The following HTR2A variants were observed in gnomAD, a reference collection of about 807,000 sequenced individuals.
The protein encoded by HTR2A is 5-HT2 receptor.
A neutral mutation model predicts 31.0 loss-of-function variants in HTR2A; 14 were observed. The observed-to-expected ratio is 0.45, with a 90% CI of 0.30 to 0.71. The LOEUF is 0.71. HTR2A is among the 30% of genes least tolerant of loss of function. HTR2A has a pLI of 0.09. For missense variants in HTR2A, 442 were observed against 573.3 expected, an observed-to-expected ratio of 0.77 and a Z score of 2.34; for synonymous variants, 209 against 225.2, an observed-to-expected ratio of 0.93 and a Z score of 0.64.
rs903198579 is a variant in HTR2A at position 46,833,142 on chromosome 13, T to C, written c.*1695A>G. 1 of 152,186 alleles carries C rather than the reference T, an allele frequency of 6.6e-6. No individual in the cohort carries two copies. Among genetic ancestry groups the C allele is most frequent in the African/African-American group, 2.4e-5 (1 of 41,436 alleles). 9.4% of individuals were successfully genotyped at this position (152,186 alleles called of 1,614,324 possible). A position where few individuals can be genotyped will look rare whatever the true frequency, so the allele number is the denominator to read the frequency against. ...TGAGATTGAGGTGCGTATTTCTAAATTAATTGCAATGTTAAGCCTCAAGTG... is the reference window on the plus strand; with the variant it reads ...TGAGATTGAGGTGCGTATTTCTAAACTAATTGCAATGTTAAGCCTCAAGTG... On this transcript the variant is annotated 3_prime_UTR_variant, in exon 4 of 4. Transcript: ENST00000542664.
intron 3 of HTR2A, among the ~76,000 whole-genome samples, chr13:46,869,304 T>C (rs1593437632): frequency 6.6e-6 from 1 of 152,114 alleles, no homozygotes; most frequent in African/African-American, 2.4e-5. Flanking sequence ...AAAGAAGACA[T>C]TACAAATGAC....
rs750463163 is a variant in HTR2A at position 46,892,538 on chromosome 13, G to A, written c.465C>T (p.Asp155=). The A allele has an allele frequency of 5.0e-6, 8 of 1,614,102 alleles. No homozygotes were observed. The highest frequency in any genetic ancestry group is 2.7e-5 in the African/African-American group (2 of 74,934). ...TGATGGAGGCCGTGGAGAAGAGCAC[G>A]TCCAGGTAAATCCAGACTGCACAAA... The part of the protein sequence containing the change: ...SKLCAVWIYL[D]VLFSTASIMH... The change falls in exon 3 of 4, where the codon GAC becomes GAT. Residue 155 remains aspartate (D), a synonymous_variant. Coordinates refer to ENST00000542664, the MANE Select transcript of HTR2A (RefSeq NM_000621.5).
intron 3 of HTR2A, among the ~76,000 whole-genome samples, chr13:46,857,270 G>A (rs999151056): frequency 6.7e-6 from 1 of 148,968 alleles, no homozygotes; most frequent in African/African-American, 2.5e-5. Flanking sequence ...CTGCACTCCA[G>A]CCTGGTGACA....
At chr13:46,870,079 G>A (rs1305766954) in intron 3 of HTR2A, among the ~76,000 whole-genome samples, 1 of 152,078 alleles carries the variant, frequency 6.6e-6, no homozygotes, top group East Asian at 1.9e-4. Flanking sequence ...ACTGCATAAA[G>A]TACATGCCTT....
intron 3 of HTR2A, among the ~76,000 whole-genome samples, chr13:46,889,488 A>G (rs9534508): frequency 0.045 from 6,881 of 152,264 alleles, 192 homozygotes; most frequent in South Asian, 0.092. Flanking sequence ...AAACTTCTCT[A>G]TCATTTAATA....
intron 2 of HTR2A, among the ~76,000 whole-genome samples, chr13:46,894,007 T>C (rs1593447156): frequency 6.6e-6 from 1 of 152,222 alleles, no homozygotes. Context: ...CAGCGCCTTA[T>C]GGGGGAAGCC....
In HTR2A at chr13:46,835,017, G is replaced by C; in HGVS notation, c.1236C>G (p.Asn412Lys). 1 of 1,614,122 alleles carries C rather than the reference G, an allele frequency of 6.2e-7. No homozygotes were observed. The highest frequency in any genetic ancestry group is 8.5e-7 in the Non-Finnish European group (1 of 1,179,990). ...ACTTGTAGGCCAAAGCCGGTATTGT[G>C]TTCACTAAAATTAACTGCAATGGTT... ...NKKPLQLILVNTIPALAYKSS... is the reference protein window; with the variant it reads ...NKKPLQLILVKTIPALAYKSS... Residue 412 changes from asparagine (N) to lysine (K), a missense_variant, in exon 4 of 4, where the codon AAC becomes AAG. Coordinates refer to ENST00000542664, the MANE Select transcript of HTR2A (RefSeq NM_000621.5).
chr13:46,842,297 C>A (rs185187308), intron 3 of HTR2A, among the ~76,000 whole-genome samples: 1 of 152,066 alleles, frequency 6.6e-6, no homozygotes, highest in Non-Finnish European at 1.5e-5. Context: ...TCATCTCTGT[C>A]CTACATTATT....
chr13:46,862,391 C>T (rs1950786562), intron 3 of HTR2A, among the ~76,000 whole-genome samples: 5 of 152,160 alleles, frequency 3.3e-5, no homozygotes, highest in Admixed American at 3.3e-4. Flanking sequence ...AACTGTGTAA[C>T]ATATGGGCCT....
chr13:46,864,865 C>T (rs983901033), intron 3 of HTR2A, among the ~76,000 whole-genome samples: 1 of 152,026 alleles, frequency 6.6e-6, no homozygotes, highest in Non-Finnish European at 1.5e-5. Context: ...CAGTGGATTC[C>T]CTCTATGTGT....
intron 3 of HTR2A, among the ~76,000 whole-genome samples, chr13:46,845,643 CAAAAAAAA>C (rs11394720): frequency 1.9e-4 from 22 of 112,972 alleles, no homozygotes. Context: ...TTCATCACTC[CAAAAAAAA>C]AAAAAAAAAG....
intron 3 of HTR2A, among the ~76,000 whole-genome samples, chr13:46,850,857 A>AT (rs1268131788): frequency 6.6e-6 from 1 of 152,166 alleles, no homozygotes; most frequent in Non-Finnish European, 1.5e-5. Context: ...CAAGATCAAC[A>AT]TTTTTTGAAA....
rs1951107400 is a variant in HTR2A at position 46,896,666 on chromosome 13, G to C, written c.-329+8C>G. On this transcript the variant is annotated splice_region_variant and intron_variant, in intron 1 of 3. Transcript: ENST00000542664. ...ACAGCAATAAAATATAGCGGCATGA[G>C]AACTTACATTTGTCTTCAGGGTCCA... is the stretch of plus-strand genomic sequence containing the variant. 4 of 1,515,900 alleles carry C rather than the reference G, an allele frequency of 2.6e-6. No homozygotes were observed. Among genetic ancestry groups the C allele is most frequent in the Non-Finnish European group, 3.5e-6 (4 of 1,135,180 alleles). The allele number at this position is 1,515,900 out of a possible 1,614,324, so 93.9% of individuals were successfully genotyped here.
Position 46,835,035 on chromosome 13 carries a change from C to T in HTR2A, c.1218G>A (p.Leu406=). The change falls in exon 4 of 4, where the codon TTG becomes TTA. Residue 406 remains leucine, a synonymous_variant. Transcript: ENST00000542664. The part of the protein sequence containing the change: ...QCQYKENKKP[L]QLILVNTIPA... ...GTATTGTGTTCACTAAAATTAACTG[C>T]AATGGTTTTTTGTTTTCCTTGTACT... 6.2e-7 allele frequency: 1 copy of T among 1,614,108 alleles called. No homozygotes were observed. The highest frequency in any genetic ancestry group is 8.5e-7 in the Non-Finnish European group (1 of 1,179,984).
chr13:46,832,281 G>A lies in HTR2A; in HGVS notation c.*2556C>T, dbSNP rs371208348. 6.6e-6 allele frequency: 1 copy of A among 152,208 alleles called. No homozygotes were observed. The highest frequency in any genetic ancestry group is 1.9e-4 in the East Asian group (1 of 5,200). 9.4% of individuals were successfully genotyped at this position (152,208 alleles called of 1,614,324 possible). A position where few individuals can be genotyped will look rare whatever the true frequency, so the allele number is the denominator to read the frequency against. ...AAACATGATACAAACATGCACACAT[G>A]TGTATATACTGAGTGTTTTCATTGA... On this transcript the variant is annotated 3_prime_UTR_variant, in exon 4 of 4. Transcript: ENST00000542664.
In HTR2A at chr13:46,895,841, A is replaced by C; in HGVS notation, c.66T>G (p.Asn22Lys). 2 of 1,614,156 alleles carry C rather than the reference A, an allele frequency of 1.2e-6. No individual in the cohort carries two copies. The highest frequency in any genetic ancestry group is 1.7e-6 in the Non-Finnish European group (2 of 1,180,032). ...SSTTNSLMQL[N>K]DDTRLYSNDF... ...CATTACTGTAGAGCCTGGTGTCATC[A>C]TTTAATTGCATTAGGGAGTTCGTAG... The change falls in exon 2 of 4, where the codon AAT (asparagine) becomes AAG (lysine). Residue 22 changes from asparagine to lysine, a missense_variant. Asn to Lys is a moderately conservative substitution (Grantham distance 94). This residue lies in a region of HTR2A where 83 missense variants were observed against 84.8 expected (regional missense o/e 0.98). Transcript: ENST00000542664. The surrounding 1 kb of genome is among the most constrained non-coding windows in gnomAD (Gnocchi z 4.4).
Position 46,881,123 on chromosome 13 carries a change from C to T in HTR2A, c.613+11267G>A, listed in dbSNP as rs541982643. Among the ~76,000 whole-genome samples, 11 of 152,266 alleles carry T rather than the reference C, an allele frequency of 7.2e-5. No individual in the cohort carries two copies. The East Asian group carries it at 1.7e-3, about 24-fold the overall frequency. ...CATGTCTTTCAAGAGCAGAGGTTTT[C>T]GTGATATTTTACCGTATTGTGCTTC... On this transcript the variant is annotated intron_variant, in intron 3 of 3. Coordinates refer to ENST00000542664, the MANE Select transcript of HTR2A (RefSeq NM_000621.5).
rs1876310579 is a variant in HTR2A, at chr13:46,833,230, T to A, written c.*1607A>T. On this transcript the variant is annotated 3_prime_UTR_variant, in exon 4 of 4. Transcript: ENST00000542664. ...GTAACCAATCAGGAAAACTTATTTT[T>A]AAAACTACTCTCACAGTTGAAACAA... 6.6e-6 allele frequency: 1 copy of A among 152,210 alleles called. No homozygotes were observed. Among genetic ancestry groups the A allele is most frequent in the African/African-American group, 2.4e-5 (1 of 41,450 alleles). 9.4% of individuals were successfully genotyped at this position (152,210 alleles called of 1,614,324 possible).
intron 3 of HTR2A, among the ~76,000 whole-genome samples, chr13:46,879,658 T>G (rs773390993): frequency 1.3e-5 from 2 of 152,218 alleles, no homozygotes; most frequent in African/African-American, 2.4e-5. Context: ...CATGATTATC[T>G]GCCTTAGACA....
Sources: gnomAD v4.1 joint callset for allele counts (sites outside exome capture counted in the v4.1 genomes callset) on GRCh38, gnomAD v4.1.1 for gene constraint, gnomAD v4.1.1 regional missense constraint, Gnocchi (gnomAD v3.1) non-coding constraint, MANE v1.5 for transcripts, NCBI Gene and HGNC (gene_info 2026-07-23, HGNC 2026-07-21) for gene names.